The following TRPC4 variants were observed in gnomAD, a reference collection of about 807,000 sequenced individuals.
TRPC4 encodes the protein transient receptor potential cation channel subfamily C member 4, also known as short transient receptor potential channel 4.
A neutral mutation model predicts 99.4 loss-of-function variants in TRPC4; 49 were observed. That is an observed-to-expected ratio of 0.49 (90% CI 0.39 to 0.63). The LOEUF (loss-of-function observed/expected upper bound fraction) is 0.63. Ranked by LOEUF, TRPC4 falls within the 20% of genes least tolerant of loss-of-function variation. The pLI is 0.00. For missense variants in TRPC4, 898 were observed against 1,152.9 expected (o/e 0.78, Z 3.20); for synonymous variants, 454 against 425.9 (o/e 1.07, Z -0.81).
chr13:37,669,738 G>C (rs928882156), intron 5 of TRPC4, among the ~76,000 whole-genome samples: 33 of 152,122 alleles, frequency 2.2e-4, no homozygotes, highest in Admixed American at 4.6e-4. Flanking sequence ...TTGAGGCACA[G>C]GTTCAGTAAC....
At chr13:37,782,578 T>C (rs1956867853) in intron 2 of TRPC4, among the ~76,000 whole-genome samples, 1 of 151,924 alleles carries the variant, frequency 6.6e-6, no homozygotes, top group African/African-American at 2.4e-5. Flanking sequence ...CACCCTCTGA[T>C]AAGGTAGAAT....
intron 1 of TRPC4, among the ~76,000 whole-genome samples, chr13:37,858,542 T>C (rs1304855420): frequency 6.6e-6 from 1 of 151,630 alleles, no homozygotes; most frequent in East Asian, 1.9e-4. Context: ...CGTCAACAGA[T>C]GAATGGATAA....
At chr13:37,783,780 A>C (rs1956904665) in intron 1 of TRPC4, among the ~76,000 whole-genome samples, 1 of 152,144 alleles carries the variant, frequency 6.6e-6, no homozygotes, top group East Asian at 1.9e-4. Context: ...CAATTTTTCT[A>C]ATTGTGGAAA....
intron 8 of TRPC4, among the ~76,000 whole-genome samples, chr13:37,650,797 A>G (rs1952021258): frequency 6.8e-6 from 1 of 146,526 alleles, no homozygotes; most frequent in African/African-American, 2.6e-5. Context: ...ATTCTTATCA[A>G]GCATAAAATG....
chr13:37,705,440 G>T (rs1471801307), intron 3 of TRPC4, among the ~76,000 whole-genome samples: 1 of 151,818 alleles, frequency 6.6e-6, no homozygotes, highest in Non-Finnish European at 1.5e-5. Context: ...TATATTTTAA[G>T]TGTTATCACC....
Position 37,706,652 on chromosome 13 carries a change from C to T in TRPC4, c.898-14317G>A, listed in dbSNP as rs1161732177. ...CCTACCCCCACCCCACAACAGGCCC[C>T]GGTGTGCGATGTTCCCCTTCCTGTG... On this transcript the variant is annotated intron_variant, in intron 3 of 10. Transcript: ENST00000379705. Among the ~76,000 whole-genome samples the T allele has an allele frequency of 4.0e-5, 6 of 151,046 alleles. No homozygotes were observed. In the East Asian group the frequency reaches 7.8e-4, roughly 20 times the overall value.
In TRPC4 at chr13:37,637,533, C is replaced by A; in HGVS notation, c.2304G>T (p.Ser768=). Residue 768 remains serine (S), a synonymous_variant, in exon 11 of 11, where the codon TCG becomes TCT. Coordinates refer to ENST00000379705, the MANE Select transcript of TRPC4 (RefSeq NM_016179.4). Reference sequence around the variant, plus strand: ...AGTCTGCCGAATTTGAAGACTCCTTCGAGGCATTCGCAGATTGTATTGTGG... The same window carrying A: ...AGTCTGCCGAATTTGAAGACTCCTTAGAGGCATTCGCAGATTGTATTGTGG... ...KLSTIQSANA[S]KESSNSADSD... 1.2e-6 allele frequency: 2 copies of A among 1,613,642 alleles called. No homozygotes were observed. Among genetic ancestry groups the A allele is most frequent in the Non-Finnish European group, 1.7e-6 (2 of 1,179,712 alleles).
intron 2 of TRPC4, among the ~76,000 whole-genome samples, chr13:37,767,254 C>T (rs549751036): frequency 6.6e-6 from 1 of 150,832 alleles, no homozygotes; most frequent in Admixed American, 6.7e-5. Context: ...TATTCTATTG[C>T]TTAAAGATTT....
Position 37,822,631 on chromosome 13 carries a change from T to C in TRPC4, c.-27-39271A>G, listed in dbSNP as rs575453661. Among the ~76,000 whole-genome samples the C allele has an allele frequency of 4.6e-4, 70 of 151,860 alleles. 2 individuals carry two copies. In the South Asian group the frequency reaches 7.7e-3, roughly 17 times the overall value. On this transcript the variant is annotated intron_variant, in intron 1 of 10. Transcript: ENST00000379705. ...TTTTTTATGGCTGCATAGTATTCCA[T>C]GGTGTATATGTGCCACATTTTCTTC...
chr13:37,641,322 C>T (rs367985014), intron 8 of TRPC4, among the ~76,000 whole-genome samples: 31 of 152,216 alleles, frequency 2.0e-4, no homozygotes, highest in African/African-American at 7.2e-5. Context: ...ACCTTTCAGG[C>T]GTTATTCAGT....
At chr13:37,839,636 A>G (rs1958678229) in intron 1 of TRPC4, among the ~76,000 whole-genome samples, 1 of 152,160 alleles carries the variant, frequency 6.6e-6, no homozygotes, top group Non-Finnish European at 1.5e-5. Context: ...TGTCAGATAG[A>G]TATTCTTAGT....
intron 3 of TRPC4, among the ~76,000 whole-genome samples, chr13:37,717,458 T>C (rs1364627093): frequency 6.6e-6 from 1 of 152,174 alleles, no homozygotes; most frequent in African/African-American, 2.4e-5. Flanking sequence ...TGAATCTCTG[T>C]CAGCTGTGGT....
chr13:37,787,259 G>A (rs909097365), intron 1 of TRPC4, among the ~76,000 whole-genome samples: 8 of 151,904 alleles, frequency 5.3e-5, no homozygotes, highest in East Asian at 1.9e-4. Context: ...ACATGTTTAC[G>A]GATGTAATCT....
At chr13:37,693,841 T>A (rs1330998100) in intron 3 of TRPC4, among the ~76,000 whole-genome samples, 1 of 152,186 alleles carries the variant, frequency 6.6e-6, no homozygotes, top group Non-Finnish European at 1.5e-5. Context: ...AATAATGGGT[T>A]CAGTAAATAC....
chr13:37,648,100 G>A (rs1169736728), intron 8 of TRPC4, among the ~76,000 whole-genome samples: 6 of 151,968 alleles, frequency 3.9e-5, no homozygotes, highest in African/African-American at 1.2e-4. Context: ...GTGCCACCAC[G>A]CGCAGCTAAT....
At chr13:37,789,613 C>G (rs956333576) in intron 1 of TRPC4, among the ~76,000 whole-genome samples, 7 of 151,936 alleles carry the variant, frequency 4.6e-5, no homozygotes, top group African/African-American at 1.7e-4. Context: ...TAACCACTTG[C>G]CTAAAATTGT....
intron 5 of TRPC4, among the ~76,000 whole-genome samples, chr13:37,664,293 G>A (rs2138697061): frequency 6.6e-6 from 1 of 152,246 alleles, no homozygotes; most frequent in African/African-American, 2.4e-5. Context: ...AAGGGTCAAG[G>A]CCTGGCGCGG....
At chr13:37,845,597 G>A (rs181520894) in intron 1 of TRPC4, among the ~76,000 whole-genome samples, 8 of 151,550 alleles carry the variant, frequency 5.3e-5, no homozygotes, top group Admixed American at 2.0e-4. Context: ...TTATCCAATC[G>A]ATCAGAGGAG....
intron 1 of TRPC4, among the ~76,000 whole-genome samples, chr13:37,822,525 G>C: frequency 6.6e-6 from 1 of 150,938 alleles, no homozygotes; most frequent in Admixed American, 6.6e-5. Flanking sequence ...GCGGTGTTTG[G>C]TTTTTTGTTC....
Sources: allele counts gnomAD v4.1 joint callset (sites outside exome capture counted in the v4.1 genomes callset), GRCh38; gene constraint gnomAD v4.1.1; transcripts MANE v1.5; gene names NCBI Gene and HGNC (gene_info 2026-07-23, HGNC 2026-07-21).